GABRB1: variants seen among roughly 807,000 people sequenced by gnomAD.
GABRB1 encodes the protein gamma-aminobutyric acid receptor subunit beta-1.
GABRB1 carries 17 observed loss-of-function variants against 51.6 expected under a neutral mutation model. The ratio of observed to expected loss-of-function variants is 0.33; its 90% CI spans 0.23 to 0.49. The LOEUF (loss-of-function observed/expected upper bound fraction) is 0.49. Ranked by LOEUF, GABRB1 falls within the 20% of genes least tolerant of loss-of-function variation. The pLI, the probability that GABRB1 is intolerant of heterozygous loss-of-function variation, is 0.99. For synonymous variants in GABRB1, 247 were observed against 218.9 expected (o/e 1.13, Z -1.14); for missense variants, 410 against 600.6 (o/e 0.68, Z 3.32).
intron 3 of GABRB1, among the ~76,000 whole-genome samples, chr4:47,138,877 T>G (rs1716792688): frequency 6.6e-6 from 1 of 152,110 alleles, no homozygotes; most frequent in Non-Finnish European, 1.5e-5. Flanking sequence ...TTAATTTAAA[T>G]TAGTTTAACT....
intron 5 of GABRB1, among the ~76,000 whole-genome samples, chr4:47,326,954 C>T (rs989632023): frequency 1.3e-5 from 2 of 152,134 alleles, no homozygotes; most frequent in Admixed American, 1.3e-4. Flanking sequence ...TTGTTTTGCT[C>T]ACCATTCAAT....
intron 5 of GABRB1, among the ~76,000 whole-genome samples, chr4:47,363,164 G>A (rs188227900): frequency 3.3e-5 from 5 of 152,126 alleles, no homozygotes; most frequent in Non-Finnish European, 7.4e-5. Flanking sequence ...CAGGTAGAGT[G>A]GTAAGCACTT....
At chr4:47,262,696 A>G (rs560323302) in intron 4 of GABRB1, among the ~76,000 whole-genome samples, 4 of 152,194 alleles carry the variant, frequency 2.6e-5, no homozygotes, top group Non-Finnish European at 5.9e-5. Flanking sequence ...ATTACTGGGT[A>G]TATACCCAAG....
intron 3 of GABRB1, among the ~76,000 whole-genome samples, chr4:47,137,646 A>T (rs1347635380): frequency 6.6e-6 from 1 of 152,158 alleles, no homozygotes; most frequent in Non-Finnish European, 1.5e-5. Context: ...CAACATTTAT[A>T]TTCCAATTCC....
chr4:47,261,200 G>A (rs1053607823), intron 4 of GABRB1, among the ~76,000 whole-genome samples: 2 of 152,088 alleles, frequency 1.3e-5, no homozygotes, highest in African/African-American at 4.8e-5. Flanking sequence ...TTCTGGCCAG[G>A]GCAATTAGGC....
At chr4:47,113,122 G>C (rs566563587) in intron 3 of GABRB1, among the ~76,000 whole-genome samples, 1 of 152,102 alleles carries the variant, frequency 6.6e-6, no homozygotes, top group Admixed American at 6.5e-5. Flanking sequence ...GCAGTGGTTC[G>C]CGCCTGTAAT....
chr4:47,415,266 A>T (rs1728874317), intron 8 of GABRB1, among the ~76,000 whole-genome samples: 2 of 152,218 alleles, frequency 1.3e-5, no homozygotes. Context: ...GAAAGGTGGA[A>T]GCACAGTCCT....
At chr4:47,401,441 TTAG>T (rs1335913352) in intron 5 of GABRB1, among the ~76,000 whole-genome samples, 3 of 152,146 alleles carry the variant, frequency 2.0e-5, no homozygotes, top group Non-Finnish European at 4.4e-5. Context: ...CCTTCCTTCT[TTAG>T]TAGGCCCAAC....
intron 4 of GABRB1, among the ~76,000 whole-genome samples, chr4:47,315,379 A>G (rs1289761165): frequency 6.6e-6 from 1 of 152,032 alleles, no homozygotes; most frequent in Non-Finnish European, 1.5e-5. Context: ...GTAAAAAAAT[A>G]TGAGATGCTG....
intron 3 of GABRB1, among the ~76,000 whole-genome samples, chr4:47,072,653 T>G (rs997724700): frequency 6.6e-6 from 1 of 152,198 alleles, no homozygotes; most frequent in Non-Finnish European, 1.5e-5. Flanking sequence ...ATGCTGTGAA[T>G]TTTAATCTAC....
intron 3 of GABRB1, among the ~76,000 whole-genome samples, chr4:47,157,445 C>G (rs1347184078): frequency 6.6e-6 from 1 of 152,064 alleles, no homozygotes; most frequent in Admixed American, 6.6e-5. Context: ...AAGTCATAGG[C>G]TTTATTATAT....
At position 47,406,796 on chromosome 4, in the gene GABRB1, T is replaced by C; in HGVS notation, c.950T>C (p.Val317Ala). Reference sequence around the variant, plus strand: ...TATCTGATGGGTTGCTTTGTGTTTGTGTTCCTGGCTCTGCTGGAGTATGCC... The same window carrying C: ...TATCTGATGGGTTGCTTTGTGTTTGCGTTCCTGGCTCTGCTGGAGTATGCC... ...DIYLMGCFVFVFLALLEYAFV... is the reference protein window; with the variant it reads ...DIYLMGCFVFAFLALLEYAFV... The change falls in exon 8 of 9, where the codon GTG becomes GCG. Residue 317 changes from valine (V) to alanine (A), a missense_variant. Coordinates refer to ENST00000295454, the MANE Select transcript of GABRB1 (RefSeq NM_000812.4). 6.2e-7 allele frequency: 1 copy of C among 1,614,224 alleles called. No individual in the cohort carries two copies. The highest frequency in any genetic ancestry group is 8.5e-7 in the Non-Finnish European group (1 of 1,180,030).
chr4:47,008,470 T>C (rs1340153293), intron 1 of GABRB1, among the ~76,000 whole-genome samples: 1 of 151,668 alleles, frequency 6.6e-6, no homozygotes. Flanking sequence ...TTTACTTTTT[T>C]TTTTTTTCTT....
At chr4:47,088,562 C>G (rs1280551889) in intron 3 of GABRB1, among the ~76,000 whole-genome samples, 1 of 152,184 alleles carries the variant, frequency 6.6e-6, no homozygotes, top group Non-Finnish European at 1.5e-5. Flanking sequence ...TCTGGAGAAG[C>G]ATGAAGCAGG....
At chr4:47,001,878 A>T (rs1447765079) in intron 1 of GABRB1, among the ~76,000 whole-genome samples, 1 of 152,152 alleles carries the variant, frequency 6.6e-6, no homozygotes. Flanking sequence ...CAATGTTAAA[A>T]TTTTTCTCAC....
Position 47,397,793 on chromosome 4 carries a change from G to A in GABRB1, c.545-5525G>A, listed in dbSNP as rs112176820. 3.5e-3 allele frequency among the ~76,000 whole-genome samples: 527 copies of A among 151,786 alleles called. 2 individuals are homozygous for A. Among genetic ancestry groups the A allele is most frequent in the African/African-American group, 0.012 (492 of 41,396 alleles). On this transcript the variant is annotated intron_variant, in intron 5 of 8. Coordinates refer to ENST00000295454, the MANE Select transcript of GABRB1 (RefSeq NM_000812.4). ...TCACCATGTTGGCCAGGCTGGTTTC[G>A]AACTCCTGATCCCAAGTGATCTACC...
intron 3 of GABRB1, among the ~76,000 whole-genome samples, chr4:47,060,917 A>C (rs1190551084): frequency 6.6e-6 from 1 of 152,194 alleles, no homozygotes; most frequent in Non-Finnish European, 1.5e-5. Flanking sequence ...TTTCTGCTAA[A>C]TGTTAAGTGT....
intron 4 of GABRB1, among the ~76,000 whole-genome samples, chr4:47,224,340 A>G (rs1311183424): frequency 6.6e-6 from 1 of 152,116 alleles, no homozygotes; most frequent in Non-Finnish European, 1.5e-5. Context: ...TTAAAACAGT[A>G]AAGAAGACTT....
intron 4 of GABRB1, among the ~76,000 whole-genome samples, chr4:47,286,171 C>T (rs964532531): frequency 2.0e-5 from 3 of 152,112 alleles, no homozygotes; most frequent in African/African-American, 7.2e-5. Context: ...TGTCTTTCTG[C>T]TTTAATGGTT....
Sources: gnomAD v4.1 joint callset for allele counts (sites outside exome capture counted in the v4.1 genomes callset) on GRCh38, gnomAD v4.1.1 for gene constraint, MANE v1.5 for transcripts, NCBI Gene and HGNC (gene_info 2026-07-23, HGNC 2026-07-21) for gene names.